TTC6: variants seen among roughly 807,000 people sequenced by gnomAD.
The protein encoded by TTC6 is tetratricopeptide repeat protein 6.
TTC6 carries 172 observed loss-of-function variants against 210.4 expected under a neutral mutation model. The ratio of observed to expected loss-of-function variants is 0.82; its 90% CI spans 0.72 to 0.93. The LOEUF is 0.93. Ranked by LOEUF, TTC6 falls within the 40% of genes least tolerant of loss-of-function variation. TTC6 has a pLI of 0.00. For synonymous variants in TTC6, 804 were observed against 819.6 expected (o/e 0.98, Z 0.32); for missense variants, 2,414 against 2,318.1 (o/e 1.04, Z -0.85).
At chr14:37,673,370 C>T (rs2095762259) in intron 1 of TTC6, among the ~76,000 whole-genome samples, 2 of 152,142 alleles carry the variant, frequency 1.3e-5, no homozygotes, top group Admixed American at 1.3e-4. Flanking sequence ...AATGCCTTTT[C>T]TTTCCTTCTT....
intron 14 of TTC6, among the ~76,000 whole-genome samples, chr14:37,760,991 C>A (rs931058444): frequency 6.6e-6 from 1 of 152,146 alleles, no homozygotes; most frequent in Non-Finnish European, 1.5e-5. Flanking sequence ...AACTTGGCTC[C>A]CTGGCTTCAG....
intron 29 of TTC6, among the ~76,000 whole-genome samples, chr14:37,832,137 GTTTC>G (rs1241679342): frequency 6.6e-6 from 1 of 151,958 alleles, no homozygotes; most frequent in South Asian, 2.1e-4. Context: ...CAGGGGTCTA[GTTTC>G]TTTCTTCTGC....
At chr14:37,841,303 C>A (rs575383348) in intron 29 of TTC6, 142 bp from the exon 32 acceptor site, 25 of 687,116 alleles carry the variant, frequency 3.6e-5, no homozygotes, top group South Asian at 2.8e-4. Flanking sequence ...GCAGACAATG[C>A]ACCTCTGTAC....
At chr14:37,707,295 A>G (rs548668410) in intron 5 of TTC6, among the ~76,000 whole-genome samples, 2 of 152,196 alleles carry the variant, frequency 1.3e-5, no homozygotes, top group Admixed American at 1.3e-4. Flanking sequence ...ATGCAAATAT[A>G]GTACACTATA....
chr14:37,749,916 G>A (rs2095946755), intron 12 of TTC6, 73 bp downstream of exon 14: 2 of 1,048,304 alleles, frequency 1.9e-6, no homozygotes, highest in Non-Finnish European at 2.4e-6. Context: ...GGTACTATAA[G>A]GATACATAAA....
chr14:37,833,724 A>G (rs1022128252), intron 29 of TTC6, among the ~76,000 whole-genome samples: 7 of 152,094 alleles, frequency 4.6e-5, no homozygotes, highest in African/African-American at 1.4e-4. Flanking sequence ...GCAGCTTTCT[A>G]TAATGATACC....
chr14:37,707,204 A>G (rs1031778078), intron 5 of TTC6, among the ~76,000 whole-genome samples: 1 of 152,074 alleles, frequency 6.6e-6, no homozygotes, highest in Non-Finnish European at 1.5e-5. Flanking sequence ...TTGCTTTAAA[A>G]TGAACAATTT....
chr14:37,624,511 A>G (rs1312270933), intron 1 of TTC6, among the ~76,000 whole-genome samples: 1 of 152,164 alleles, frequency 6.6e-6, no homozygotes, highest in African/African-American at 2.4e-5. Context: ...CATAAGAAAG[A>G]TTGTATTTTG....
chr14:37,821,028 CT>C (rs398118074), intron 26 of TTC6, among the ~76,000 whole-genome samples: 8 of 3,426 alleles, frequency 2.3e-3, no homozygotes, highest in Admixed American at 6.3e-3. Context: ...TCTTCCTCTT[CT>C]TCTTCTTCTT....
chr14:37,661,138 C>T (rs898431163), intron 1 of TTC6, among the ~76,000 whole-genome samples: 2 of 152,110 alleles, frequency 1.3e-5, no homozygotes, highest in Non-Finnish European at 2.9e-5. Flanking sequence ...CTGTAGGTTG[C>T]CTGTTCACTC....
chr14:37,727,386 C>G (rs1383081997), intron 7 of TTC6, among the ~76,000 whole-genome samples: 1 of 146,796 alleles, frequency 6.8e-6, no homozygotes, highest in Non-Finnish European at 1.5e-5. Context: ...CTCTGCCTCT[C>G]AGGTTCAAGC....
chr14:37,649,311 G>A (rs1414621119), intron 1 of TTC6, among the ~76,000 whole-genome samples: 1 of 152,128 alleles, frequency 6.6e-6, no homozygotes, highest in East Asian at 1.9e-4. Context: ...TTCTCCATGA[G>A]AAGAAGTCCC....
chr14:37,736,064 C>A (rs2138920567), intron 8 of TTC6, 54 bp downstream of exon 10: 2 of 911,128 alleles, frequency 2.2e-6, no homozygotes, highest in South Asian at 1.5e-5. Context: ...TGCCTACAGT[C>A]CAGATATTAA....
intron 1 of TTC6, among the ~76,000 whole-genome samples, chr14:37,628,457 T>C (rs1444687826): frequency 6.6e-6 from 1 of 151,938 alleles, no homozygotes; most frequent in African/African-American, 2.4e-5. Context: ...GATGGGGTTG[T>C]TTTTTTTCCT....
At chr14:37,643,274 C>G (rs548644469) in intron 1 of TTC6, among the ~76,000 whole-genome samples, 1 of 152,314 alleles carries the variant, frequency 6.6e-6, no homozygotes, top group South Asian at 2.1e-4. Flanking sequence ...CACCATTGCA[C>G]TCCAGCCTGG....
intron 1 of TTC6, among the ~76,000 whole-genome samples, chr14:37,650,467 G>A (rs907535869): frequency 3.9e-5 from 6 of 152,038 alleles, no homozygotes; most frequent in Non-Finnish European, 8.8e-5. Context: ...TCTGCCCTAG[G>A]CTTAGAAACT....
intron 14 of TTC6, among the ~76,000 whole-genome samples, chr14:37,778,626 G>A (rs2096045327): frequency 6.6e-6 from 1 of 152,144 alleles, no homozygotes; most frequent in South Asian, 2.1e-4. Context: ...AGTTGGGGAG[G>A]CCCTGGTGGA....
intron 7 of TTC6, among the ~76,000 whole-genome samples, chr14:37,730,883 C>T (rs963054141): frequency 2.6e-5 from 4 of 152,122 alleles, no homozygotes; most frequent in Non-Finnish European, 5.9e-5. Flanking sequence ...GTCATTTTTC[C>T]ATTCATTCAT....
At chr14:37,631,040 C>T (rs2095669074) in intron 1 of TTC6, among the ~76,000 whole-genome samples, 1 of 146,872 alleles carries the variant, frequency 6.8e-6, no homozygotes, top group East Asian at 2.1e-4. Flanking sequence ...ATACAGCCTA[C>T]TGATGGGTCT....
Sources: gnomAD v4.1 joint callset for allele counts (sites outside exome capture counted in the v4.1 genomes callset) on GRCh38, gnomAD v4.1.1 for gene constraint, MANE v1.5 for transcripts, NCBI Gene and HGNC (gene_info 2026-07-23, HGNC 2026-07-21) for gene names.